Variants in EIF4G3 observed in about 807,000 individuals in gnomAD.
EIF4G3 encodes eukaryotic translation initiation factor 4 gamma 3.
A neutral mutation model predicts 186.4 loss-of-function variants in EIF4G3; 34 were observed. The ratio of observed to expected loss-of-function variants is 0.18; its 90% confidence interval spans 0.14 to 0.24. The LOEUF is 0.24. Ranked by LOEUF, EIF4G3 falls within the 10% of genes least tolerant of loss-of-function variation. EIF4G3 has a pLI of 1.00. For missense variants in EIF4G3, 1,536 were observed against 1,948.5 expected, an observed-to-expected ratio of 0.79 and a Z score of 3.99; for synonymous variants, 673 against 679.5, an observed-to-expected ratio of 0.99 and a Z score of 0.15.
rs2068439476 is a variant in EIF4G3, at chr1:20,841,141, C to A, written c.3889-113G>T. On this transcript the variant is annotated intron_variant, in intron 29 of 36. Coordinates refer to ENST00000602326, the MANE Select transcript of EIF4G3 (RefSeq NM_001391906.1). ...CAGAATCAGTAGAAACTTCCATGAA[C>A]AGGACAGTTTTCAAATATAAGTTTA... 29 of 1,040,146 alleles carry A rather than the reference C, an allele frequency of 2.8e-5. No individual in the cohort carries two copies. The South Asian group carries it at 4.8e-4, about 17-fold the overall frequency. 64.4% of individuals were successfully genotyped at this position (1,040,146 alleles called of 1,614,324 possible). A position where few individuals can be genotyped will look rare whatever the true frequency, so the allele number is the denominator to read the frequency against.
intron 29 of EIF4G3, among the ~76,000 whole-genome samples, chr1:20,847,350 T>C (rs1427341480): frequency 1.3e-5 from 2 of 152,162 alleles, no homozygotes; most frequent in African/African-American, 4.8e-5. Context: ...CACAATGAAA[T>C]TCTAAAGATA....
chr1:21,091,227 C>T (rs2096186043), intron 2 of EIF4G3, among the ~76,000 whole-genome samples: 1 of 152,086 alleles, frequency 6.6e-6, no homozygotes, highest in Admixed American at 6.6e-5. Context: ...TCACTGCAAC[C>T]TCTGCCTTCC....
chr1:21,044,370 A>C (rs944687017), intron 4 of EIF4G3, among the ~76,000 whole-genome samples: 1 of 152,214 alleles, frequency 6.6e-6, no homozygotes, highest in African/African-American at 2.4e-5. Context: ...AAGCTCAAAT[A>C]CTGCCTTAGA....
intron 14 of EIF4G3, among the ~76,000 whole-genome samples, chr1:20,914,843 A>G (rs1220489117): frequency 6.6e-6 from 1 of 152,200 alleles, no homozygotes; most frequent in Non-Finnish European, 1.5e-5. Context: ...TGGAACCACA[A>G]TATGGTCTAT....
chr1:21,011,651 C>T (rs1245909075), intron 4 of EIF4G3, among the ~76,000 whole-genome samples: 1 of 152,186 alleles, frequency 6.6e-6, no homozygotes, highest in African/African-American at 2.4e-5. Context: ...ACCCTACCTA[C>T]CCTATTAATA....
rs2154547362 is a variant in EIF4G3 at position 20,827,604 on chromosome 1, G to A, written c.4269+13C>T. ...ATAATACTGTTGAGTCTGACACTCA[G>A]TGTAACACTCACCATTTGTTTGCAT... On this transcript the variant is annotated intron_variant, in intron 32 of 36. Transcript: ENST00000602326. The A allele has an allele frequency of 1.9e-6, 3 of 1,556,700 alleles. No individual in the cohort carries two copies. Among genetic ancestry groups the A allele is most frequent in the Middle Eastern group, 1.7e-4 (1 of 5,944 alleles).
At position 20,954,182 on chromosome 1, in the gene EIF4G3, CAT is replaced by C. The variant is rs1211772913; in HGVS notation, c.715-4073_715-4072del. Among the ~76,000 whole-genome samples, 4 of 152,062 alleles carry C rather than the reference CAT, an allele frequency of 2.6e-5. No individual in the cohort carries two copies. The East Asian group carries it at 7.7e-4, about 29-fold the overall frequency. On this transcript the variant is annotated intron_variant, in intron 12 of 36. Transcript: ENST00000602326. The stretch of plus-strand genomic sequence containing the variant: ...CTGTATAAATACCTCATGTATTTAA[CAT>C]ATATAAAATCTGTGGATAAACAAGT...
intron 11 of EIF4G3, 48 bp from the exon 12 acceptor site, chr1:20,969,644 G>A (rs1464385958): frequency 1.9e-6 from 3 of 1,587,510 alleles, no homozygotes; most frequent in East Asian, 4.5e-5. Context: ...TGTCTGTGTA[G>A]CAAATTTATA....
intron 3 of EIF4G3, among the ~76,000 whole-genome samples, chr1:21,057,920 T>C (rs185809715): frequency 1.8e-3 from 269 of 152,330 alleles, no homozygotes; most frequent in African/African-American, 5.2e-3. Flanking sequence ...ATAAAATTAA[T>C]GATATTTGGT....
chr1:20,878,879 T>G (rs1429355555), intron 20 of EIF4G3, among the ~76,000 whole-genome samples: 1 of 152,230 alleles, frequency 6.6e-6, no homozygotes. Context: ...CATGAAATTA[T>G]CAGCTTTGAA....
At chr1:21,079,254 A>T (rs932585885) in intron 3 of EIF4G3, among the ~76,000 whole-genome samples, 1 of 152,224 alleles carries the variant, frequency 6.6e-6, no homozygotes, top group Non-Finnish European at 1.5e-5. Flanking sequence ...CCTACTCAAT[A>T]GTGACCTGGC....
chr1:21,085,315 T>C (rs1050278939), intron 3 of EIF4G3, among the ~76,000 whole-genome samples: 8 of 152,146 alleles, frequency 5.3e-5, no homozygotes, highest in African/African-American at 1.9e-4. Flanking sequence ...CTGACAATGA[T>C]GCTGTTCTTT....
chr1:20,942,016 C>T lies in EIF4G3; in HGVS notation c.1138G>A (p.Asp380Asn), dbSNP rs960593366. ...TCATTTTCATTTGTTGGTAAAGGGT[C>T]TGATGTTTCTGTGCAAGATGTGAGG... ...PSLTSCTETS[D>N]PLPTNENDDD... Residue 380 changes from aspartate (D) to asparagine (N), a missense_variant, in exon 14 of 37, where the codon GAC (aspartate) becomes AAC (asparagine). Transcript: ENST00000602326. The T allele has an allele frequency of 3.7e-6, 6 of 1,614,004 alleles. No individual in the cohort carries two copies. In the African/African-American group the frequency reaches 5.3e-5, roughly 14 times the overall value.
intron 8 of EIF4G3, among the ~76,000 whole-genome samples, chr1:20,981,523 A>G (rs570443984): frequency 3.4e-4 from 23 of 68,018 alleles, no homozygotes; most frequent in African/African-American, 1.1e-3. Flanking sequence ...ATATATACAT[A>G]CATACATGTA....
intron 12 of EIF4G3, among the ~76,000 whole-genome samples, chr1:20,953,848 T>C (rs2096308236): frequency 6.6e-6 from 1 of 152,198 alleles, no homozygotes; most frequent in Non-Finnish European, 1.5e-5. Context: ...TCTTGACACA[T>C]GAAAATTATA....
intron 2 of EIF4G3, among the ~76,000 whole-genome samples, chr1:21,149,986 T>C (rs941949309): frequency 6.6e-6 from 1 of 152,258 alleles, no homozygotes; most frequent in Non-Finnish European, 1.5e-5. Context: ...CCCCCACTAA[T>C]GCTGTAAATT....
At chr1:21,147,426 C>T (rs2097464465) in intron 2 of EIF4G3, among the ~76,000 whole-genome samples, 1 of 151,676 alleles carries the variant, frequency 6.6e-6, no homozygotes, top group African/African-American at 2.4e-5. Flanking sequence ...CTGCAACCTC[C>T]ACCTCCCGGG....
intron 6 of EIF4G3, chr1:20,998,766 T>C: frequency 2.7e-6 from 1 of 369,752 alleles, no homozygotes; most frequent in South Asian, 2.1e-5. Flanking sequence ...ACGTTAGCTA[T>C]TGTAATGTTA....
chr1:21,058,407 C>T (rs943856387), intron 3 of EIF4G3, among the ~76,000 whole-genome samples: 3 of 152,188 alleles, frequency 2.0e-5, no homozygotes, highest in Non-Finnish European at 4.4e-5. Context: ...ATTGTCCTGA[C>T]TTCCCATACA....
Sources: allele counts gnomAD v4.1 joint callset (sites outside exome capture counted in the v4.1 genomes callset), GRCh38; gene constraint gnomAD v4.1.1; transcripts MANE v1.5; gene names NCBI Gene and HGNC (gene_info 2026-07-23, HGNC 2026-07-21).